PBX4: variants seen among roughly 807,000 people sequenced by gnomAD.
The protein encoded by PBX4 is pre-B-cell leukemia transcription factor 4.
A neutral mutation model predicts 35.1 loss-of-function variants in PBX4; 26 were observed. The observed-to-expected ratio is 0.74, with a 90% CI of 0.54 to 1.03. The LOEUF is 1.03. Among genes scored for constraint, PBX4 ranks in the 50% least tolerant of loss-of-function variants. PBX4 has a pLI of 0.00. For missense variants in PBX4, 448 were observed against 504.3 expected (o/e 0.89, Z 1.07); for synonymous variants, 199 against 204.2 (o/e 0.97, Z 0.22).
intron 1 of PBX4, among the ~76,000 whole-genome samples, chr19:19,602,328 T>C (rs1649625199): frequency 6.6e-6 from 1 of 151,844 alleles, no homozygotes; most frequent in African/African-American, 2.4e-5. Flanking sequence ...GGGAACAAGG[T>C]TGGGAGAGAA....
intron 2 of PBX4, among the ~76,000 whole-genome samples, chr19:19,598,428 G>A (rs1376125706): frequency 6.6e-6 from 1 of 150,964 alleles, no homozygotes; most frequent in Non-Finnish European, 1.5e-5. Context: ...CTCCCAAGTA[G>A]CTGGGATTAC....
intron 1 of PBX4, among the ~76,000 whole-genome samples, chr19:19,617,668 T>A (rs1599388070): frequency 6.6e-6 from 1 of 152,242 alleles, no homozygotes; most frequent in African/African-American, 2.4e-5. Context: ...CCTATCCAGT[T>A]ATTGTAAGGA....
intron 1 of PBX4, among the ~76,000 whole-genome samples, chr19:19,614,583 C>T (rs2061678797): frequency 2.0e-5 from 3 of 151,890 alleles, no homozygotes; most frequent in Admixed American, 2.0e-4. Flanking sequence ...TGCTCACTAG[C>T]CGAGATCGCG....
At chr19:19,584,801 T>C (rs1394771521) in intron 2 of PBX4, among the ~76,000 whole-genome samples, 1 of 151,834 alleles carries the variant, frequency 6.6e-6, no homozygotes, top group Non-Finnish European at 1.5e-5. Flanking sequence ...AATTTTTGTA[T>C]TTTTAGTAGA....
chr19:19,565,154 T>A, intron 5 of PBX4, 65 bp from the exon 6 acceptor site: 1 of 1,601,410 alleles, frequency 6.2e-7, no homozygotes, highest in African/African-American at 1.3e-5. Flanking sequence ...ACGCAGTCTG[T>A]GGGTTCCCTG....
chr19:19,581,008 C>T (rs1345054283), intron 2 of PBX4, among the ~76,000 whole-genome samples: 1 of 152,230 alleles, frequency 6.6e-6, no homozygotes, highest in African/African-American at 2.4e-5. Context: ...GCTAGGATTA[C>T]AGGCATGAAC....
intron 3 of PBX4, 42 bp from the exon 4 acceptor site, chr19:19,570,341 C>T (rs1482003316): frequency 1.3e-6 from 2 of 1,556,684 alleles, no homozygotes; most frequent in Admixed American, 1.8e-5. Context: ...GACTAGGCAG[C>T]AGGGTGGCAC....
At chr19:19,614,450 A>G (rs944507477) in intron 1 of PBX4, among the ~76,000 whole-genome samples, 5 of 152,128 alleles carry the variant, frequency 3.3e-5, no homozygotes, top group Admixed American at 3.3e-4. Flanking sequence ...CCTGGCCAAC[A>G]TGGTGAAACC....
At chr19:19,588,202 A>G in intron 2 of PBX4, 5 of 1,352,574 alleles carry the variant, frequency 3.7e-6, no homozygotes, top group Non-Finnish European at 5.3e-6. Context: ...TGCACTCCTT[A>G]CAATAATAGG....
At chr19:19,574,639 C>CT (rs879629375) in intron 2 of PBX4, among the ~76,000 whole-genome samples, 132 of 143,712 alleles carry the variant, frequency 9.2e-4, no homozygotes, top group Middle Eastern at 7.0e-3. Context: ...TTTTTTTTTC[C>CT]TTTTTTTTTT....
At chr19:19,614,024 C>T (rs957860570) in intron 1 of PBX4, among the ~76,000 whole-genome samples, 1 of 152,134 alleles carries the variant, frequency 6.6e-6, no homozygotes, top group African/African-American at 2.4e-5. Flanking sequence ...TTCTCTAGCA[C>T]CTGGTACAAT....
chr19:19,602,765 T>A (rs950159744), intron 1 of PBX4, among the ~76,000 whole-genome samples: 1 of 151,968 alleles, frequency 6.6e-6, no homozygotes, highest in Non-Finnish European at 1.5e-5. Flanking sequence ...TTTGACATTG[T>A]GGGGCTTGGA....
intron 2 of PBX4, among the ~76,000 whole-genome samples, chr19:19,573,328 TATACAC>T (rs1189722537): frequency 5.3e-4 from 49 of 92,118 alleles, no homozygotes; most frequent in African/African-American, 1.4e-3. Flanking sequence ...AAAAAAAAAA[TATACAC>T]ACACACACAC....
At chr19:19,564,099 G>T (rs1035813409) in intron 6 of PBX4, among the ~76,000 whole-genome samples, 1 of 149,594 alleles carries the variant, frequency 6.7e-6, no homozygotes, top group African/African-American at 2.5e-5. Context: ...CCACTAACTC[G>T]TCATCTAGCA....
At chr19:19,611,980 A>C (rs1330728242) in intron 1 of PBX4, among the ~76,000 whole-genome samples, 1 of 152,024 alleles carries the variant, frequency 6.6e-6, no homozygotes, top group Non-Finnish European at 1.5e-5. Flanking sequence ...CTACAAAAAA[A>C]TGTTAAGGCC....
chr19:19,599,481 G>A lies in PBX4; in HGVS notation c.120-116C>T. ...CCAAACGAGATCTGCCACTCTGACT[G>A]TAGATAAGTCGCCTTATGAAAATGC... is the stretch of plus-strand genomic sequence containing the variant. On this transcript the variant is annotated intron_variant, in intron 1 of 7. Transcript: ENST00000251203. The A allele has an allele frequency of 4.9e-6, 4 of 813,782 alleles. No homozygotes were observed. In the South Asian group the frequency reaches 5.7e-5, roughly 12 times the overall value. 50.4% of individuals were successfully genotyped at this position (813,782 alleles called of 1,614,324 possible). A position where few individuals can be genotyped will look rare whatever the true frequency, so the allele number is the denominator to read the frequency against.
Position 19,570,121 on chromosome 19 carries a change from A to G in PBX4, c.620T>C (p.Leu207Pro). Residue 207 changes from leucine to proline, a missense_variant, in exon 4 of 8, where the codon CTG becomes CCG. Transcript: ENST00000251203. ...CEAVMTLRSRLLDARRKRRNF... is the reference protein window; with the variant it reads ...CEAVMTLRSRPLDARRKRRNF... Reference sequence around the variant, plus strand: ...TACAGGCCCTGACCTGGCATCGAGCAGCCGCGAACGCAGGGTCATCACTGC... The same window carrying G: ...TACAGGCCCTGACCTGGCATCGAGCGGCCGCGAACGCAGGGTCATCACTGC... The G allele has an allele frequency of 6.2e-7, 1 of 1,604,632 alleles. No homozygotes were observed. The highest frequency in any genetic ancestry group is 1.1e-5 in the South Asian group (1 of 90,126).
chr19:19,588,108 T>C, intron 2 of PBX4: 1 of 969,996 alleles, frequency 1.0e-6, no homozygotes, highest in South Asian at 1.3e-5. Context: ...CTTGAAGCCG[T>C]ATTTTTTGCG....
At chr19:19,599,400 A>C in intron 1 of PBX4, 35 bp from the exon 2 acceptor site, 1 of 1,556,058 alleles carries the variant, frequency 6.4e-7, no homozygotes, top group Non-Finnish European at 8.9e-7. Context: ...GTGTGAGAAA[A>C]GAATAGTCAT....
Sources: allele counts gnomAD v4.1 joint callset (sites outside exome capture counted in the v4.1 genomes callset), GRCh38; gene constraint gnomAD v4.1.1; transcripts MANE v1.5; gene names NCBI Gene and HGNC (gene_info 2026-07-23, HGNC 2026-07-21).